RNFT2: variants seen among roughly 807,000 people sequenced by gnomAD.
The protein encoded by RNFT2 is ring finger protein, transmembrane 2, also known as E3 ubiquitin-protein ligase RNFT2.
RNFT2 carries 36 observed loss-of-function variants against 53.0 expected under a neutral mutation model. The ratio of observed to expected loss-of-function variants is 0.68; its 90% CI spans 0.52 to 0.90. RNFT2 has a LOEUF of 0.90. Among genes scored for constraint, RNFT2 ranks in the 40% least tolerant of loss-of-function variants. The probability of loss-of-function intolerance (pLI) is 0.00; values close to 1 mark genes in which losing one functional copy is unlikely to be tolerated. For missense variants in RNFT2, 514 were observed against 585.6 expected (o/e 0.88, Z 1.26); for synonymous variants, 260 against 253.2 (o/e 1.03, Z -0.26).
At chr12:116,826,272 A>T (rs1876333806) in intron 7 of RNFT2, among the ~76,000 whole-genome samples, 1 of 152,118 alleles carries the variant, frequency 6.6e-6, no homozygotes, top group Admixed American at 6.6e-5. Flanking sequence ...AGGAAGTCGG[A>T]ATAGAATCCG....
intron 10 of RNFT2, among the ~76,000 whole-genome samples, chr12:116,842,556 T>TTTTA (rs1258756804): frequency 7.5e-5 from 11 of 146,540 alleles, no homozygotes; most frequent in Non-Finnish European, 1.2e-4. Context: ...TCCTACTTTA[T>TTTTA]TTTATTTATT....
chr12:116,812,598 G>T (rs539841596), intron 7 of RNFT2, among the ~76,000 whole-genome samples: 24 of 151,320 alleles, frequency 1.6e-4, no homozygotes, highest in Middle Eastern at 6.8e-3. Context: ...TCAGTGGCGC[G>T]ATCTCAGCTC....
chr12:116,842,568 A>ATTTGTTTGTTTG (rs138521237), intron 10 of RNFT2, among the ~76,000 whole-genome samples: 2 of 150,926 alleles, frequency 1.3e-5, no homozygotes, highest in Non-Finnish European at 1.5e-5. Context: ...TTATTTATTT[A>ATTTGTTTGTTTG]TTTGTTTGTT....
chr12:116,744,923 C>G (rs576957497), intron 3 of RNFT2, among the ~76,000 whole-genome samples: 150 of 152,116 alleles, frequency 9.9e-4, no homozygotes, highest in Non-Finnish European at 1.5e-3. Context: ...GTGGCCTCCT[C>G]ATGGACCAAC....
chr12:116,804,298 A>G (rs879374030), intron 7 of RNFT2, among the ~76,000 whole-genome samples: 1 of 152,210 alleles, frequency 6.6e-6, no homozygotes, highest in Non-Finnish European at 1.5e-5. Context: ...TTAGAAATGT[A>G]AAGCCTCAGA....
chr12:116,762,378 G>C (rs2137092059), intron 5 of RNFT2, among the ~76,000 whole-genome samples: 1 of 143,410 alleles, frequency 7.0e-6, no homozygotes, highest in East Asian at 2.1e-4. Flanking sequence ...TTGATGGTTT[G>C]AGATGGTTTC....
rs1410524920 is a variant in RNFT2, at chr12:116,748,082, C to T, written c.84-1759C>T. 2.0e-5 allele frequency among the ~76,000 whole-genome samples: 3 copies of T among 151,696 alleles called. 1 individual carries two copies. The highest frequency in any genetic ancestry group is 4.4e-5 in the Non-Finnish European group (3 of 67,964). ...GCAGGTGCCTGTAGTCCCAGCTACTCGGGAGGCTGAGGCAGGAGAATCGCT... is the reference window on the plus strand; with the variant it reads ...GCAGGTGCCTGTAGTCCCAGCTACTTGGGAGGCTGAGGCAGGAGAATCGCT... On this transcript the variant is annotated intron_variant, in intron 3 of 10. Transcript: ENST00000257575.
At chr12:116,784,922 C>G (rs1873863417) in intron 7 of RNFT2, among the ~76,000 whole-genome samples, 1 of 152,136 alleles carries the variant, frequency 6.6e-6, no homozygotes, top group South Asian at 2.1e-4. Context: ...TGATTGTCCT[C>G]TCCTATCACT....
intron 6 of RNFT2, among the ~76,000 whole-genome samples, chr12:116,775,416 A>G (rs1873390928): frequency 6.6e-6 from 1 of 152,194 alleles, no homozygotes; most frequent in South Asian, 2.1e-4. Flanking sequence ...AGGTGAGGAC[A>G]CTGAGACTTC....
intron 7 of RNFT2, among the ~76,000 whole-genome samples, chr12:116,821,321 C>A (rs1414501399): frequency 3.9e-5 from 6 of 152,114 alleles, no homozygotes; most frequent in African/African-American, 1.4e-4. Context: ...TGGCCGGGCG[C>A]TGCTGTGAAG....
intron 4 of RNFT2, among the ~76,000 whole-genome samples, 195 bp from the exon 5 acceptor site, chr12:116,753,789 G>A (rs1231986761): frequency 2.6e-5 from 4 of 152,172 alleles, no homozygotes; most frequent in African/African-American, 9.6e-5. Flanking sequence ...CTGTCCCTAA[G>A]TCAGAATGGC....
rs1226798439 is a variant in RNFT2, at chr12:116,851,977, G to C, written c.*2529G>C. 2.0e-6 allele frequency: 3 copies of C among 1,499,036 alleles called. No individual in the cohort carries two copies. The highest frequency in any genetic ancestry group is 2.7e-6 in the Non-Finnish European group (3 of 1,131,406). The allele number at this position is 1,499,036 out of a possible 1,614,324, so 92.9% of individuals were successfully genotyped here. A position where few individuals can be genotyped will look rare whatever the true frequency, so the allele number is the denominator to read the frequency against. On this transcript the variant is annotated 3_prime_UTR_variant, in exon 11 of 11. Transcript: ENST00000257575. The stretch of plus-strand genomic sequence containing the variant: ...AGCAAACAGGACAACCTATGTTATG[G>C]ATGTTTCCACCAACCAGGGTAGTGG...
At chr12:116,801,916 G>T (rs1316522978) in intron 7 of RNFT2, among the ~76,000 whole-genome samples, 1 of 152,038 alleles carries the variant, frequency 6.6e-6, no homozygotes, top group East Asian at 1.9e-4. Context: ...CCGCCTCCCA[G>T]GTTCAAGCGA....
intron 4 of RNFT2, among the ~76,000 whole-genome samples, chr12:116,751,879 C>T (rs1421105900): frequency 6.6e-6 from 1 of 151,862 alleles, no homozygotes; most frequent in Non-Finnish European, 1.5e-5. Context: ...CAGCCCTAAC[C>T]TCAAGTGATC....
chr12:116,814,074 C>A (rs1415741497), intron 7 of RNFT2, among the ~76,000 whole-genome samples: 1 of 152,144 alleles, frequency 6.6e-6, no homozygotes, highest in East Asian at 1.9e-4. Context: ...TGACCCCAGC[C>A]CTCCCCGTGT....
chr12:116,838,498 G>C (rs76156784), intron 10 of RNFT2, among the ~76,000 whole-genome samples: 5,643 of 152,234 alleles, frequency 0.037, 158 homozygotes, highest in African/African-American at 0.071. Flanking sequence ...ATCCACTTAG[G>C]CTGTTAGTAT....
intron 5 of RNFT2, among the ~76,000 whole-genome samples, chr12:116,764,821 G>A (rs1872840981): frequency 6.6e-6 from 1 of 152,212 alleles, no homozygotes; most frequent in African/African-American, 2.4e-5. Flanking sequence ...GAACCCAGGA[G>A]GCGGAGGTTG....
chr12:116,766,860 CG>C lies in RNFT2; in HGVS notation c.678del (p.Asn227ThrfsTer21). 1 of 1,598,300 alleles carries C rather than the reference CG, an allele frequency of 6.3e-7. No individual in the cohort carries two copies. Among genetic ancestry groups the C allele is most frequent in the Admixed American group, 1.7e-5 (1 of 57,614 alleles). On this transcript the variant is annotated frameshift_variant, in exon 6 of 11. Transcript: ENST00000257575. LOFTEE classifies it high-confidence loss of function. ...ATCTTGTGGATCCTGGCCTTTCTGG[CG>C]GGGAACACCCTCTATGTGCTTTATA... is the stretch of plus-strand genomic sequence containing the variant. ...LVILWILAFLAGNTLYVLYTF... is the reference protein window; with the variant it reads ...LVILWILAFLXGNTLYVLYTF...
Position 116,749,913 on chromosome 12 carries a change from G to A in RNFT2, c.156G>A (p.Glu52=), listed in dbSNP as rs1404646477. ...EGGVFESLKA[E]AASPPALFSG... ...GCGTCTTTGAGAGTCTGAAGGCAGA[G>A]GCAGCCTCCCCACCAGCGCTCTTCT... Residue 52 remains glutamate, a synonymous_variant, in exon 4 of 11, where the codon GAG becomes GAA. Transcript: ENST00000257575. 2 of 1,586,248 alleles carry A rather than the reference G, an allele frequency of 1.3e-6. No homozygotes were observed. Among genetic ancestry groups the A allele is most frequent in the African/African-American group, 1.3e-5 (1 of 74,392 alleles).
Sources: allele counts gnomAD v4.1 joint callset (sites outside exome capture counted in the v4.1 genomes callset), GRCh38; gene constraint gnomAD v4.1.1; transcripts MANE v1.5; gene names NCBI Gene and HGNC (gene_info 2026-07-23, HGNC 2026-07-21).